The following SORCS2 variants were observed in gnomAD, a reference collection of about 807,000 sequenced individuals.
SORCS2 encodes the protein VPS10 domain-containing receptor SorCS2.
SORCS2 carries 100 observed loss-of-function variants against 141.6 expected under a neutral mutation model. The ratio of observed to expected loss-of-function variants is 0.71; its 90% CI spans 0.60 to 0.83. SORCS2 has a LOEUF of 0.83. Ranked by LOEUF, SORCS2 falls within the 40% of genes least tolerant of loss-of-function variation. The pLI is 0.00. For missense variants in SORCS2, 1,646 were observed against 1,560.2 expected (o/e 1.05, Z -0.93); for synonymous variants, 789 against 676.9 (o/e 1.17, Z -2.57).
chr4:7,438,565 T>G (rs1426321156), intron 2 of SORCS2, among the ~76,000 whole-genome samples: 1 of 152,210 alleles, frequency 6.6e-6, no homozygotes, highest in African/African-American at 2.4e-5. Context: ...ATTGATTAGT[T>G]TGTATTCTTC....
intron 2 of SORCS2, among the ~76,000 whole-genome samples, chr4:7,466,417 C>T (rs1295524590): frequency 6.6e-6 from 1 of 152,098 alleles, no homozygotes; most frequent in East Asian, 1.9e-4. Context: ...TGGCCACGCC[C>T]CACTCAGAGG....
chr4:7,452,534 T>A (rs756925334), intron 2 of SORCS2, among the ~76,000 whole-genome samples: 1 of 152,198 alleles, frequency 6.6e-6, no homozygotes, highest in Non-Finnish European at 1.5e-5. Context: ...CCCAACTGCA[T>A]GCAGTTTTCC....
intron 3 of SORCS2, among the ~76,000 whole-genome samples, chr4:7,556,387 G>A (rs551562216): frequency 6.6e-6 from 1 of 152,102 alleles, no homozygotes; most frequent in African/African-American, 2.4e-5. Context: ...GCGCTGGGCT[G>A]GAGACACTCG....
chr4:7,737,701 T>C (rs1018899438), intron 26 of SORCS2, among the ~76,000 whole-genome samples: 6 of 152,172 alleles, frequency 3.9e-5, no homozygotes, highest in Non-Finnish European at 8.8e-5. Context: ...AGATCAGTCA[T>C]CTACAGCTGC....
At chr4:7,196,288 C>T (rs974567340) in intron 1 of SORCS2, among the ~76,000 whole-genome samples, 1 of 152,164 alleles carries the variant, frequency 6.6e-6, no homozygotes, top group Non-Finnish European at 1.5e-5. Context: ...TTTGCATCTC[C>T]GGAGCTGCCC....
Position 7,733,461 on chromosome 4 carries a change from G to C in SORCS2, c.3208+40G>C, listed in dbSNP as rs375097965. The C allele has an allele frequency of 2.4e-4, 361 of 1,488,614 alleles. 1 individual carries two copies. The Middle Eastern group carries it at 5.9e-3, about 24-fold the overall frequency. The allele number at this position is 1,488,614 out of a possible 1,614,324, so 92.2% of individuals were successfully genotyped here. ...GCTCCCCTGCGGAATGGGTGGAGGAGGCATCCGGGCCCTGGAGAAGCCATG... is the reference window on the plus strand; with the variant it reads ...GCTCCCCTGCGGAATGGGTGGAGGACGCATCCGGGCCCTGGAGAAGCCATG... On this transcript the variant is annotated intron_variant, in intron 24 of 26. Transcript: ENST00000507866.
chr4:7,501,792 A>G (rs917334103), intron 2 of SORCS2, among the ~76,000 whole-genome samples: 7 of 152,238 alleles, frequency 4.6e-5, no homozygotes, highest in Admixed American at 1.3e-4. Context: ...CTAAGACACA[A>G]TTAAGTTTCC....
At chr4:7,704,906 G>A (rs1013093130) in intron 14 of SORCS2, among the ~76,000 whole-genome samples, 8 of 152,190 alleles carry the variant, frequency 5.3e-5, no homozygotes, top group East Asian at 1.9e-4. Flanking sequence ...CAGGCTGGGC[G>A]AGGCCTGTGT....
At chr4:7,292,983 C>T (rs1716710708) in intron 1 of SORCS2, among the ~76,000 whole-genome samples, 1 of 152,150 alleles carries the variant, frequency 6.6e-6, no homozygotes, top group Non-Finnish European at 1.5e-5. Context: ...TTTTCTCTTT[C>T]TCTATTGAGG....
At chr4:7,646,249 T>A (rs73794355) in intron 4 of SORCS2, among the ~76,000 whole-genome samples, 7,634 of 151,766 alleles carry the variant, frequency 0.05, 497 homozygotes, top group African/African-American at 0.15. Flanking sequence ...CTGGGGACAG[T>A]GCCGCCAAGA....
At chr4:7,337,667 C>T (rs1386475286) in intron 1 of SORCS2, among the ~76,000 whole-genome samples, 4 of 152,166 alleles carry the variant, frequency 2.6e-5, no homozygotes, top group Non-Finnish European at 4.4e-5. Context: ...GCTCTACACC[C>T]GCACGCTGGG....
At chr4:7,473,534 C>A (rs1730108086) in intron 2 of SORCS2, among the ~76,000 whole-genome samples, 1 of 152,320 alleles carries the variant, frequency 6.6e-6, no homozygotes, top group South Asian at 2.1e-4. Context: ...GCCCATGGAA[C>A]CTTCTAGCAG....
intron 2 of SORCS2, among the ~76,000 whole-genome samples, chr4:7,508,727 G>T (rs1196548821): frequency 6.6e-6 from 1 of 152,196 alleles, no homozygotes; most frequent in Non-Finnish European, 1.5e-5. Flanking sequence ...CAGAAATAAA[G>T]CCACAGATCT....
At chr4:7,507,251 T>C (rs1410726297) in intron 2 of SORCS2, among the ~76,000 whole-genome samples, 1 of 152,200 alleles carries the variant, frequency 6.6e-6, no homozygotes, top group Non-Finnish European at 1.5e-5. Context: ...CTCAGTTCAC[T>C]GCAACCTCTG....
At chr4:7,380,301 G>A (rs1722906701) in intron 1 of SORCS2, among the ~76,000 whole-genome samples, 1 of 146,406 alleles carries the variant, frequency 6.8e-6, no homozygotes, top group South Asian at 2.1e-4. Flanking sequence ...CATTCACAGG[G>A]GACAGGCTTT....
chr4:7,382,428 C>A (rs1723046352), intron 1 of SORCS2, among the ~76,000 whole-genome samples: 1 of 152,060 alleles, frequency 6.6e-6, no homozygotes, highest in Non-Finnish European at 1.5e-5. Flanking sequence ...AGAGAACAGG[C>A]CCCTCCTGAG....
At position 7,289,355 on chromosome 4, in the gene SORCS2, T is replaced by G. The variant is rs571565786; in HGVS notation, c.480+96229T>G. On this transcript the variant is annotated intron_variant, in intron 1 of 26. Transcript: ENST00000507866. ...CTGGATTTCACAGCTTGGAGCCCACTGTGCCAACTCTGACATCACATATTA... is the reference window on the plus strand; with the variant it reads ...CTGGATTTCACAGCTTGGAGCCCACGGTGCCAACTCTGACATCACATATTA... 4.6e-5 allele frequency among the ~76,000 whole-genome samples: 7 copies of G among 152,338 alleles called. No homozygotes were observed. In the South Asian group the frequency reaches 1.5e-3, roughly 32 times the overall value.
chr4:7,606,963 T>C (rs893636142), intron 3 of SORCS2, among the ~76,000 whole-genome samples: 18 of 152,210 alleles, frequency 1.2e-4, no homozygotes, highest in African/African-American at 4.3e-4. Flanking sequence ...AACAGCTGTT[T>C]CTGAATTTGT....
At chr4:7,536,122 C>T (rs1489216990) in intron 3 of SORCS2, among the ~76,000 whole-genome samples, 6 of 152,288 alleles carry the variant, frequency 3.9e-5, no homozygotes, top group Middle Eastern at 6.8e-3. Context: ...CCAGAGAGCA[C>T]GTGGACTCAG....
Sources: allele counts gnomAD v4.1 joint callset (sites outside exome capture counted in the v4.1 genomes callset), GRCh38; gene constraint gnomAD v4.1.1; transcripts MANE v1.5; gene names NCBI Gene and HGNC (gene_info 2026-07-23, HGNC 2026-07-21).